NUP153: variants seen among roughly 807,000 people sequenced by gnomAD.
The protein encoded by NUP153 is nucleoporin 153, also known as nuclear pore complex protein Nup153.
NUP153 carries 27 observed loss-of-function variants against 134.6 expected under a neutral mutation model. The observed-to-expected ratio is 0.20, with a 90% confidence interval of 0.15 to 0.28. NUP153 has a LOEUF of 0.28. Among genes scored for constraint, NUP153 ranks in the 10% least tolerant of loss-of-function variants. NUP153 has a pLI of 1.00. For synonymous variants in NUP153, 640 were observed against 623.5 expected (o/e 1.03, Z -0.40); for missense variants, 1,821 against 1,731.3 (o/e 1.05, Z -0.92).
chr6:17,629,790 T>C (rs1164981630), intron 17 of NUP153, among the ~76,000 whole-genome samples: 1 of 152,216 alleles, frequency 6.6e-6, no homozygotes, highest in Admixed American at 6.5e-5. Flanking sequence ...TAAAGTTTGA[T>C]AAAGTTTGTA....
chr6:17,664,362 G>C (rs1361994502), intron 9 of NUP153, among the ~76,000 whole-genome samples: 1 of 152,100 alleles, frequency 6.6e-6, no homozygotes, highest in Non-Finnish European at 1.5e-5. Flanking sequence ...ACTTTAAATA[G>C]GAGAATTGTA....
chr6:17,656,563 C>T (rs1037287526), intron 11 of NUP153, among the ~76,000 whole-genome samples: 4 of 151,950 alleles, frequency 2.6e-5, no homozygotes, highest in East Asian at 3.9e-4. Flanking sequence ...TTTTTGTACA[C>T]GTGGGGTTTT....
chr6:17,705,694 G>A (rs1325660319), intron 1 of NUP153, among the ~76,000 whole-genome samples: 1 of 151,868 alleles, frequency 6.6e-6, no homozygotes. Flanking sequence ...TAAAATCTAA[G>A]CCAATGCTCT....
At chr6:17,637,086 C>G (rs765556798) in intron 16 of NUP153, 67 bp downstream of exon 16, 13 of 1,408,532 alleles carry the variant, frequency 9.2e-6, no homozygotes, top group African/African-American at 1.4e-5. Flanking sequence ...AACAAGGATT[C>G]TTAGAATAAA....
intron 20 of NUP153, among the ~76,000 whole-genome samples, chr6:17,618,325 G>C (rs1764444212): frequency 6.6e-6 from 1 of 152,134 alleles, no homozygotes; most frequent in Non-Finnish European, 1.5e-5. Flanking sequence ...CCAGGCATTT[G>C]AGGACAGTAT....
intron 11 of NUP153, among the ~76,000 whole-genome samples, chr6:17,652,955 C>A (rs747834772): frequency 6.6e-6 from 1 of 152,036 alleles, no homozygotes; most frequent in South Asian, 2.1e-4. Context: ...CTTGAACCCA[C>A]GAGGCGGAGG....
rs1561885943 is a variant in NUP153, at chr6:17,663,941, A to AC, written c.1215+1297_1215+1298insG. On this transcript the variant is annotated intron_variant, in intron 9 of 21. Coordinates refer to ENST00000262077, the MANE Select transcript of NUP153 (RefSeq NM_005124.4). ...AAATAAAAACATGTCCACACACACA[A>AC]ACACACAAAAAAACACTTATACATA... Among the ~76,000 whole-genome samples the AC allele has an allele frequency of 5.7e-3, 857 of 151,522 alleles. 6 individuals are homozygous for AC. Among genetic ancestry groups the AC allele is most frequent in the South Asian group, 0.024 (115 of 4,800 alleles).
At chr6:17,617,777 C>T (rs540811400) in intron 20 of NUP153, among the ~76,000 whole-genome samples, 5 of 151,748 alleles carry the variant, frequency 3.3e-5, no homozygotes, top group Non-Finnish European at 4.4e-5. Context: ...CCTAGGAGGT[C>T]GAGGACGCAG....
intron 2 of NUP153, among the ~76,000 whole-genome samples, chr6:17,676,922 C>T (rs1327338986): frequency 6.6e-6 from 1 of 152,144 alleles, no homozygotes; most frequent in Non-Finnish European, 1.5e-5. Flanking sequence ...AAGCCTTACG[C>T]AGCAGCTGCT....
chr6:17,625,689 T>A lies in NUP153; in HGVS notation c.3901+119A>T. 1.3e-6 allele frequency: 1 copy of A among 759,336 alleles called. No homozygotes were observed. The highest frequency in any genetic ancestry group is 2.2e-5 in the Admixed American group (1 of 44,776). 47.0% of individuals were successfully genotyped at this position (759,336 alleles called of 1,614,324 possible). On this transcript the variant is annotated intron_variant, in intron 19 of 21. Coordinates refer to ENST00000262077, the MANE Select transcript of NUP153 (RefSeq NM_005124.4). The surrounding 1 kb of genome is among the most constrained non-coding windows in gnomAD (Gnocchi z 4.7). ...ATAATTAAAACAACCCTGGTATAGA[T>A]GACCAAAAGGCATTCCCACCATTTT...
At chr6:17,616,813 A>C in intron 20 of NUP153, 118 bp from the exon 21 acceptor site, 1 of 942,150 alleles carries the variant, frequency 1.1e-6, no homozygotes, top group Non-Finnish European at 1.6e-6. Flanking sequence ...ACAGTGGCAC[A>C]ATCTTGGCTC....
intron 2 of NUP153, among the ~76,000 whole-genome samples, chr6:17,685,230 G>C (rs1253710206): frequency 1.3e-5 from 2 of 151,138 alleles, no homozygotes; most frequent in East Asian, 3.9e-4. Context: ...TTCAACAGCA[G>C]ATATATAGTC....
intron 11 of NUP153, among the ~76,000 whole-genome samples, chr6:17,654,370 G>A (rs951201610): frequency 4.0e-5 from 6 of 150,916 alleles, no homozygotes; most frequent in African/African-American, 7.3e-5. Flanking sequence ...TGCCCGGGCC[G>A]GACTGCAGTG....
chr6:17,667,317 A>G (rs988765322), intron 8 of NUP153, among the ~76,000 whole-genome samples: 12 of 152,224 alleles, frequency 7.9e-5, no homozygotes, highest in African/African-American at 2.7e-4. Flanking sequence ...GAATTTCATT[A>G]CAGATAATAA....
intron 13 of NUP153, among the ~76,000 whole-genome samples, chr6:17,647,418 G>A (rs1199957542): frequency 6.6e-6 from 1 of 152,154 alleles, no homozygotes; most frequent in African/African-American, 2.4e-5. Context: ...AAATAAAACA[G>A]CAATTAAAGG....
At chr6:17,631,328 T>C (rs1401940250) in intron 17 of NUP153, among the ~76,000 whole-genome samples, 2 of 152,230 alleles carry the variant, frequency 1.3e-5, no homozygotes, top group African/African-American at 2.4e-5. Flanking sequence ...GAAAGCTAAT[T>C]ACAAAGTAGA....
At chr6:17,619,615 G>A (rs957330604) in intron 20 of NUP153, 1 of 152,132 alleles carries the variant, frequency 6.6e-6, no homozygotes, top group African/African-American at 2.4e-5. Flanking sequence ...ACCCAAATTT[G>A]TGAAGTGTTC....
At chr6:17,668,880 TA>T in intron 8 of NUP153, 94 bp downstream of exon 8, 1 of 820,798 alleles carries the variant, frequency 1.2e-6, no homozygotes, top group Non-Finnish European at 2.0e-6. Context: ...ACATGTTCCC[TA>T]ATGTCTAAAC....
At chr6:17,656,802 C>G (rs9383307) in intron 11 of NUP153, among the ~76,000 whole-genome samples, 133,624 of 152,250 alleles carry the variant, frequency 0.88, 58,797 homozygotes, top group South Asian at 0.95. Flanking sequence ...AAAAGTCCTT[C>G]GACGTGCACA....
Sources: gnomAD v4.1 joint callset for allele counts (sites outside exome capture counted in the v4.1 genomes callset) on GRCh38, gnomAD v4.1.1 for gene constraint, Gnocchi (gnomAD v3.1) non-coding constraint, MANE v1.5 for transcripts, NCBI Gene and HGNC (gene_info 2026-07-23, HGNC 2026-07-21) for gene names.